PDE10A: variants seen among roughly 807,000 people sequenced by gnomAD.
PDE10A encodes the protein cAMP and cAMP-inhibited cGMP 3',5'-cyclic phosphodiesterase 10A.
A neutral mutation model predicts 97.7 loss-of-function variants in PDE10A; 39 were observed. The observed-to-expected ratio is 0.40, with a 90% CI of 0.31 to 0.52. The LOEUF (loss-of-function observed/expected upper bound fraction) is 0.52. PDE10A is among the 20% of genes least tolerant of loss of function. PDE10A has a pLI of 0.56. For synonymous variants in PDE10A, 371 were observed against 376.8 expected (o/e 0.98, Z 0.18); for missense variants, 731 against 1,047.8 (o/e 0.70, Z 4.17).
chr6:165,780,301 G>A (rs1688507857), intron 1 of PDE10A: 1 of 152,190 alleles, frequency 6.6e-6, no homozygotes, highest in African/African-American at 2.4e-5. Flanking sequence ...TTTAATGAAT[G>A]CCAGTATGTA....
chr6:165,596,738 A>C lies in PDE10A; in HGVS notation c.866-53170T>G, dbSNP rs77307015. On this transcript the variant is annotated intron_variant, in intron 1 of 21. Transcript: ENST00000539869. ...AGTGAGACCATGTCACACACACACAAAAAAAATATGTAAGTGAATAAACAA... is the reference window on the plus strand; with the variant it reads ...AGTGAGACCATGTCACACACACACACAAAAAATATGTAAGTGAATAAACAA... Among the ~76,000 whole-genome samples, 568 of 152,064 alleles carry C rather than the reference A, an allele frequency of 3.7e-3. 7 individuals carry two copies. The highest frequency in any genetic ancestry group is 0.027 in the South Asian group (130 of 4,820).
At position 165,901,206 on chromosome 6, in the gene PDE10A, C is replaced by G. The variant is rs79804078; in HGVS notation, c.-615+86323G>C. Among the ~76,000 whole-genome samples, 6 of 152,176 alleles carry G rather than the reference C, an allele frequency of 3.9e-5. 1 individual carries two copies. The South Asian group carries it at 1.0e-3, about 26-fold the overall frequency. ...TCTGTGGCGTCTCCAGCTCCTGGCT[C>G]GATGCCCAGCAGGAACTCTGTGCTC... On this transcript the variant is annotated intron_variant, in intron 1 of 19. Transcript: ENST00000366882.
At chr6:165,367,158 A>C (rs1783823856) in intron 18 of PDE10A, among the ~76,000 whole-genome samples, 1 of 152,014 alleles carries the variant, frequency 6.6e-6, no homozygotes. Flanking sequence ...GAATTTCAGG[A>C]GAAACATAGC....
intron 1 of PDE10A, among the ~76,000 whole-genome samples, chr6:165,863,432 C>T (rs1404961711): frequency 1.3e-5 from 2 of 152,148 alleles, no homozygotes; most frequent in East Asian, 1.9e-4. Flanking sequence ...CATTCAACCC[C>T]TTCTGACAAT....
chr6:165,557,928 A>T (rs1784339552), intron 1 of PDE10A, among the ~76,000 whole-genome samples: 1 of 152,224 alleles, frequency 6.6e-6, no homozygotes, highest in Admixed American at 6.5e-5. Flanking sequence ...TGACGTGATT[A>T]ATTCTAAGTG....
At chr6:165,774,748 C>CA (rs1448967375) in intron 1 of PDE10A, 1 of 149,360 alleles carries the variant, frequency 6.7e-6, no homozygotes, top group Admixed American at 6.7e-5. Context: ...TTTACTCAAA[C>CA]AGAGTGGCAG....
At chr6:165,669,971 T>C (rs1790601483) in intron 1 of PDE10A, among the ~76,000 whole-genome samples, 1 of 152,228 alleles carries the variant, frequency 6.6e-6, no homozygotes, top group South Asian at 2.1e-4. Context: ...CTGGTCATTT[T>C]GTAAAGGACC....
intron 1 of PDE10A, among the ~76,000 whole-genome samples, chr6:165,611,358 C>A (rs1787485828): frequency 2.0e-5 from 3 of 152,164 alleles, no homozygotes; most frequent in Admixed American, 6.5e-5. Context: ...GCTTACCAAC[C>A]ACAGTGAAAT....
chr6:165,520,878 T>G (rs1297778911), intron 2 of PDE10A, among the ~76,000 whole-genome samples: 3 of 152,002 alleles, frequency 2.0e-5, no homozygotes, highest in Non-Finnish European at 2.9e-5. Context: ...CTCTAAAACC[T>G]CCCACTGTAG....
At chr6:165,530,651 A>G (rs1327316820) in intron 2 of PDE10A, among the ~76,000 whole-genome samples, 1 of 152,162 alleles carries the variant, frequency 6.6e-6, no homozygotes, top group Non-Finnish European at 1.5e-5. Flanking sequence ...ATTTAAAAAT[A>G]GTTTCCAGCA....
At chr6:165,913,740 G>T (rs575780732) in intron 1 of PDE10A, among the ~76,000 whole-genome samples, 1 of 152,250 alleles carries the variant, frequency 6.6e-6, no homozygotes, top group African/African-American at 2.4e-5. Context: ...AACCTGTGGG[G>T]TGAAACCAAG....
At chr6:165,417,135 T>C (rs1305118849) in intron 11 of PDE10A, among the ~76,000 whole-genome samples, 1 of 152,226 alleles carries the variant, frequency 6.6e-6, no homozygotes, top group Non-Finnish European at 1.5e-5. Context: ...GCTAGAGGAC[T>C]ATCAGAAAAA....
At chr6:165,733,398 C>G (rs565628295) in intron 1 of PDE10A, among the ~76,000 whole-genome samples, 2 of 152,280 alleles carry the variant, frequency 1.3e-5, no homozygotes, top group East Asian at 3.9e-4. Flanking sequence ...GTGGTGTGAT[C>G]CGATACTGTT....
chr6:165,496,018 A>C (rs573915804), intron 2 of PDE10A, among the ~76,000 whole-genome samples: 2 of 152,060 alleles, frequency 1.3e-5, no homozygotes, highest in East Asian at 1.9e-4. Flanking sequence ...ATTGGAAGGC[A>C]ATGTGGGAAG....
intron 1 of PDE10A, among the ~76,000 whole-genome samples, chr6:165,743,663 C>T (rs1038899454): frequency 6.6e-6 from 1 of 152,238 alleles, no homozygotes; most frequent in African/African-American, 2.4e-5. Context: ...GTTTCCCCCT[C>T]TTCCTCTGAC....
chr6:165,624,380 C>T (rs767852459), intron 1 of PDE10A, among the ~76,000 whole-genome samples: 1 of 152,248 alleles, frequency 6.6e-6, no homozygotes, highest in Non-Finnish European at 1.5e-5. Context: ...TTGACTTGAA[C>T]ATTCAAGTGT....
At chr6:165,613,129 C>A (rs75395836) in intron 1 of PDE10A, among the ~76,000 whole-genome samples, 18,736 of 152,108 alleles carry the variant, frequency 0.12, 1,203 homozygotes, top group African/African-American at 0.17. Context: ...TATTTTGATT[C>A]TATCCCTTGA....
intron 13 of PDE10A, among the ~76,000 whole-genome samples, chr6:165,410,096 T>C (rs1415332105): frequency 6.6e-6 from 1 of 152,166 alleles, no homozygotes; most frequent in East Asian, 1.9e-4. Flanking sequence ...CTTTCACACA[T>C]ATTCTTACTC....
At chr6:165,348,722 A>G (rs1782482622) in intron 18 of PDE10A, among the ~76,000 whole-genome samples, 2 of 152,220 alleles carry the variant, frequency 1.3e-5, no homozygotes, top group African/African-American at 4.8e-5. Flanking sequence ...TGTAGTTCCC[A>G]TAATCTCCAC....
Sources: allele counts gnomAD v4.1 joint callset (sites outside exome capture counted in the v4.1 genomes callset), GRCh38; gene constraint gnomAD v4.1.1; transcripts MANE v1.5; gene names NCBI Gene and HGNC (gene_info 2026-07-23, HGNC 2026-07-21).